Variants in SKIC2 observed in about 807,000 individuals in gnomAD.
The protein encoded by SKIC2 is superkiller complex protein 2.
At chr6:31,965,774 C>T in the SKIC2 span, 20 of 1,559,308 alleles carry the variant, frequency 1.3e-5, no homozygotes, top group African/African-American at 2.7e-4. This position sits in a 1 kb window ranked among gnomAD's most constrained non-coding sequence, Gnocchi z 5.6. Flanking sequence ...CTGTTCTCCT[C>T]TGTCCCAGGT....
At chr6:31,964,126 G>T in the SKIC2 span, 1 of 1,604,852 alleles carries the variant, frequency 6.2e-7, no homozygotes, top group Non-Finnish European at 8.5e-7. This position sits in a 1 kb window ranked among gnomAD's most constrained non-coding sequence, Gnocchi z 5.0. Context: ...GCTGCCCCAG[G>T]TGCGTCTGTG....
At chr6:31,961,728 C>A in the SKIC2 span, 1 of 1,587,336 alleles carries the variant, frequency 6.3e-7, no homozygotes, top group African/African-American at 1.3e-5. Context: ...GGTCACACTC[C>A]CAGCCGACCC....
the SKIC2 span, chr6:31,969,298 G>T: frequency 6.2e-7 from 1 of 1,614,230 alleles, no homozygotes; most frequent in East Asian, 2.2e-5. The surrounding 1 kb of genome is among the most constrained non-coding windows in gnomAD (Gnocchi z 6.1). Context: ...ACGTGTCCGG[G>T]CTGTGGCCAA....
the SKIC2 span, chr6:31,966,595 C>T: frequency 0.14 from 158,403 of 1,092,476 alleles, 13,752 homozygotes; most frequent in African/African-American, 0.34. The surrounding 1 kb of genome is among the most constrained non-coding windows in gnomAD (Gnocchi z 5.9). Flanking sequence ...TGTCCAAGGC[C>T]CCATGGTTGC....
the SKIC2 span, chr6:31,966,007 G>A: frequency 8.2e-6 from 13 of 1,587,718 alleles, no homozygotes; most frequent in Middle Eastern, 5.0e-4. This position sits in a 1 kb window ranked among gnomAD's most constrained non-coding sequence, Gnocchi z 5.9. Context: ...TGCACCGCAT[G>A]ATGATGGTGA....
chr6:31,963,573 TG>T, the SKIC2 span: 1 of 1,554,896 alleles, frequency 6.4e-7, no homozygotes, highest in African/African-American at 1.4e-5. The surrounding 1 kb of genome is among the most constrained non-coding windows in gnomAD (Gnocchi z 5.3). Context: ...AGCCTCGAGA[TG>T]GGGGAAAGAG....
At chr6:31,968,633 C>T in the SKIC2 span, 5 of 1,556,462 alleles carry the variant, frequency 3.2e-6, no homozygotes, top group African/African-American at 4.1e-5. This position sits in a 1 kb window ranked among gnomAD's most constrained non-coding sequence, Gnocchi z 6.1. Context: ...CCCTTGTCCT[C>T]AGTGCACCCC....
At chr6:31,968,691 G>A in the SKIC2 span, 1 of 1,612,422 alleles carries the variant, frequency 6.2e-7, no homozygotes, top group African/African-American at 1.3e-5. The surrounding 1 kb of genome is among the most constrained non-coding windows in gnomAD (Gnocchi z 6.1). Context: ...TGCAGTACCT[G>A]AAGCTGCGGG....
chr6:31,959,826 T>C, the SKIC2 span: 9 of 599,954 alleles, frequency 1.5e-5, no homozygotes, highest in Non-Finnish European at 2.4e-5. Context: ...CCAGCCTCCA[T>C]GTTTCTGAAA....
chr6:31,965,856 G>A, the SKIC2 span: 9 of 1,612,710 alleles, frequency 5.6e-6, no homozygotes, highest in Admixed American at 1.7e-5. The surrounding 1 kb of genome is among the most constrained non-coding windows in gnomAD (Gnocchi z 5.6). Flanking sequence ...GACTCCATGC[G>A]CAAACACGAT....
the SKIC2 span, chr6:31,965,800 G>T: frequency 6.2e-7 from 1 of 1,609,988 alleles, no homozygotes; most frequent in Non-Finnish European, 8.5e-7. The surrounding 1 kb of genome is among the most constrained non-coding windows in gnomAD (Gnocchi z 5.6). Flanking sequence ...TTGCCACAGA[G>T]ACCTTTGCCA....
the SKIC2 span, chr6:31,962,947 C>G: frequency 6.6e-7 from 1 of 1,526,428 alleles, no homozygotes; most frequent in African/African-American, 1.4e-5. The surrounding 1 kb of genome is among the most constrained non-coding windows in gnomAD (Gnocchi z 5.0). Context: ...AGGGCGGCCC[C>G]TGCCCTCATG....
At chr6:31,965,012 G>C in the SKIC2 span, among the ~76,000 whole-genome samples, 2 of 152,170 alleles carry the variant, frequency 1.3e-5, no homozygotes, top group African/African-American at 4.8e-5. The surrounding 1 kb of genome is among the most constrained non-coding windows in gnomAD (Gnocchi z 5.6). Flanking sequence ...CAGCTACTTG[G>C]GAGGCTGAGG....
chr6:31,960,405 C>A, the SKIC2 span: 1 of 1,599,150 alleles, frequency 6.3e-7, no homozygotes, highest in East Asian at 2.2e-5. Flanking sequence ...AGCTCAGCCT[C>A]ATTGGGGCTC....
the SKIC2 span, chr6:31,969,180 T>C: frequency 6.4e-7 from 1 of 1,555,658 alleles, no homozygotes; most frequent in Non-Finnish European, 8.8e-7. This position sits in a 1 kb window ranked among gnomAD's most constrained non-coding sequence, Gnocchi z 6.1. Flanking sequence ...CCTCCAGCCC[T>C]GTAAGTGCCC....
chr6:31,960,083 C>G, the SKIC2 span: 13 of 1,613,062 alleles, frequency 8.1e-6, no homozygotes, highest in Non-Finnish European at 1.1e-5. Context: ...TCATCCCCAG[C>G]CTGGCTGCCT....
the SKIC2 span, chr6:31,964,270 T>C: frequency 6.2e-7 from 1 of 1,613,038 alleles, no homozygotes; most frequent in South Asian, 1.1e-5. This position sits in a 1 kb window ranked among gnomAD's most constrained non-coding sequence, Gnocchi z 5.0. Flanking sequence ...GCGGCCTGGG[T>C]GTGCACCATA....
the SKIC2 span, chr6:31,968,639 A>G: frequency 1.9e-6 from 3 of 1,561,484 alleles, no homozygotes; most frequent in East Asian, 2.2e-5. The surrounding 1 kb of genome is among the most constrained non-coding windows in gnomAD (Gnocchi z 6.1). Flanking sequence ...TCCTCAGTGC[A>G]CCCCTGCTAA....
chr6:31,959,709 C>T, the SKIC2 span: 2 of 549,918 alleles, frequency 3.6e-6, no homozygotes, highest in Non-Finnish European at 6.4e-6. Context: ...AGCCTCCAAC[C>T]TTTCATCCTT....
Sources: gnomAD v4.1 joint callset for allele counts (sites outside exome capture counted in the v4.1 genomes callset) on GRCh38, gnomAD v4.1.1 for gene constraint, Gnocchi (gnomAD v3.1) non-coding constraint, MANE v1.5 for transcripts, NCBI Gene and HGNC (gene_info 2026-07-23, HGNC 2026-07-21) for gene names.